The following GFRA1 variants were observed in gnomAD, a reference collection of about 807,000 sequenced individuals.
The protein encoded by GFRA1 is GDNF family receptor alpha-1.
In GFRA1, 16 loss-of-function variants were observed where a neutral mutation model predicts 51.6. The observed-to-expected ratio is 0.31, with a 90% CI of 0.21 to 0.47. The LOEUF (loss-of-function observed/expected upper bound fraction) is 0.47, where lower values mean the gene tolerates loss of function less well. Ranked by LOEUF, GFRA1 falls within the 20% of genes least tolerant of loss-of-function variation. GFRA1 has a pLI of 1.00. For missense variants in GFRA1, 530 were observed against 594.3 expected, an observed-to-expected ratio of 0.89 and a Z score of 1.13; for synonymous variants, 270 against 241.3, an observed-to-expected ratio of 1.12 and a Z score of -1.10.
chr10:116,092,096 T>TACACACACACACACACACACACACACAC (rs58442181), intron 8 of GFRA1, among the ~76,000 whole-genome samples: 1 of 138,108 alleles, frequency 7.2e-6, no homozygotes, highest in South Asian at 2.6e-4. Context: ...CATACATACG[T>TACACACACACACACACACACACACACAC]ACACACACAC....
intron 4 of GFRA1, among the ~76,000 whole-genome samples, chr10:116,252,071 T>C (rs1055938608): frequency 6.6e-6 from 1 of 150,976 alleles, no homozygotes; most frequent in African/African-American, 2.4e-5. Flanking sequence ...GTGAGTGTTT[T>C]ACATCTAGGG....
At chr10:116,246,431 C>A in intron 4 of GFRA1, among the ~76,000 whole-genome samples, 1 of 152,056 alleles carries the variant, frequency 6.6e-6, no homozygotes, top group Admixed American at 6.6e-5. Context: ...GACTCCGTCT[C>A]TAAATAAATA....
chr10:116,212,468 C>T (rs912279530), intron 4 of GFRA1, among the ~76,000 whole-genome samples: 7 of 150,522 alleles, frequency 4.7e-5, no homozygotes, highest in East Asian at 4.0e-4. Flanking sequence ...TGCAGTAAGC[C>T]GAGATCGCTC....
intron 4 of GFRA1, among the ~76,000 whole-genome samples, chr10:116,252,548 A>G (rs957942574): frequency 5.3e-5 from 8 of 152,118 alleles, no homozygotes; most frequent in Non-Finnish European, 1.0e-4. Context: ...ATCAATGGTC[A>G]TGCATCTCAG....
chr10:116,131,612 C>A (rs1014975522), intron 5 of GFRA1, among the ~76,000 whole-genome samples: 4 of 152,066 alleles, frequency 2.6e-5, no homozygotes, highest in Non-Finnish European at 4.4e-5. Flanking sequence ...CACAAAATAG[C>A]ATGGATGAAT....
At chr10:116,194,343 T>C (rs1963548234) in intron 5 of GFRA1, among the ~76,000 whole-genome samples, 1 of 152,188 alleles carries the variant, frequency 6.6e-6, no homozygotes, top group African/African-American at 2.4e-5. Context: ...TTCCAGTGAA[T>C]CATTCCTGAC....
chr10:116,218,063 A>G (rs539674847), intron 4 of GFRA1, among the ~76,000 whole-genome samples: 12 of 152,228 alleles, frequency 7.9e-5, no homozygotes, highest in African/African-American at 2.9e-4. Context: ...TTACCTATGA[A>G]TGGATTATTT....
chr10:116,223,849 G>A (rs960111252), intron 4 of GFRA1, among the ~76,000 whole-genome samples: 2 of 152,124 alleles, frequency 1.3e-5, no homozygotes, highest in East Asian at 1.9e-4. Context: ...TTTTCATGAA[G>A]AATTTAGGTG....
In GFRA1 at chr10:116,057,945, T is replaced by C. The variant is rs1954616863; in HGVS notation, c.*6453A>G. 1 of 150,862 alleles carries C rather than the reference T, an allele frequency of 6.6e-6. No individual in the cohort carries two copies. The highest frequency in any genetic ancestry group is 2.1e-4 in the South Asian group (1 of 4,752). 9.3% of individuals were successfully genotyped at this position (150,862 alleles called of 1,614,324 possible). On this transcript the variant is annotated 3_prime_UTR_variant, in exon 11 of 11. Transcript: ENST00000355422. ...AAAAAAATTCCCGATCAAGCATGCT[T>C]GGCACACCAGGAAGCTAATGCTGGA...
At chr10:116,165,594 G>T (rs1960296179) in intron 5 of GFRA1, among the ~76,000 whole-genome samples, 2 of 151,912 alleles carry the variant, frequency 1.3e-5, no homozygotes, top group Admixed American at 1.3e-4. Context: ...GTGTACTTAT[G>T]AGGTTTCTAG....
intron 8 of GFRA1, among the ~76,000 whole-genome samples, chr10:116,092,885 C>T (rs937791518): frequency 6.6e-6 from 1 of 152,198 alleles, no homozygotes; most frequent in Non-Finnish European, 1.5e-5. Context: ...TTTCAAGTAT[C>T]TCAGCTGGAT....
chr10:116,261,828 T>C (rs1969323999), intron 4 of GFRA1, among the ~76,000 whole-genome samples: 1 of 152,182 alleles, frequency 6.6e-6, no homozygotes, highest in African/African-American at 2.4e-5. Flanking sequence ...CCTAATATGT[T>C]AAAGATCACT....
chr10:116,104,393 T>C (rs1384989839), intron 6 of GFRA1, among the ~76,000 whole-genome samples: 1 of 152,196 alleles, frequency 6.6e-6, no homozygotes, highest in East Asian at 1.9e-4. Flanking sequence ...TGGCAGCTCT[T>C]GGCTGCGAGG....
intron 4 of GFRA1, among the ~76,000 whole-genome samples, chr10:116,245,333 A>C (rs1241588579): frequency 6.6e-6 from 1 of 152,218 alleles, no homozygotes; most frequent in African/African-American, 2.4e-5. Flanking sequence ...GTTTCACACC[A>C]TATGCCATGA....
intron 5 of GFRA1, among the ~76,000 whole-genome samples, chr10:116,198,117 A>G (rs1459073551): frequency 6.6e-6 from 1 of 152,198 alleles, no homozygotes; most frequent in Non-Finnish European, 1.5e-5. Flanking sequence ...GGGTGGTCCA[A>G]GCCTAGGAAG....
chr10:116,180,250 A>C (rs1422015682), intron 5 of GFRA1, among the ~76,000 whole-genome samples: 1 of 152,154 alleles, frequency 6.6e-6, no homozygotes, highest in Non-Finnish European at 1.5e-5. Flanking sequence ...TTGTAATAAG[A>C]CTCTGCAGCA....
intron 4 of GFRA1, among the ~76,000 whole-genome samples, chr10:116,261,366 C>T (rs117256899): frequency 0.02 from 3,103 of 152,314 alleles, 46 homozygotes; most frequent in Non-Finnish European, 0.031. Flanking sequence ...CATCCTACTG[C>T]ATCTACAAAT....
intron 6 of GFRA1, among the ~76,000 whole-genome samples, chr10:116,102,127 T>C (rs1956839399): frequency 6.6e-6 from 1 of 152,196 alleles, no homozygotes. Context: ...CAGAGTCACA[T>C]GGCAGGTGGC....
intron 5 of GFRA1, among the ~76,000 whole-genome samples, chr10:116,131,652 A>G (rs1958106877): frequency 6.6e-6 from 1 of 152,202 alleles, no homozygotes; most frequent in African/African-American, 2.4e-5. Context: ...GACTACACAC[A>G]GAAGTACGCA....
Sources: allele counts gnomAD v4.1 joint callset (sites outside exome capture counted in the v4.1 genomes callset), GRCh38; gene constraint gnomAD v4.1.1; transcripts MANE v1.5; gene names NCBI Gene and HGNC (gene_info 2026-07-23, HGNC 2026-07-21).